Variants in DYRK1A observed in about 807,000 individuals in gnomAD.
DYRK1A encodes dual specificity tyrosine-phosphorylation-regulated kinase 1A.
A neutral mutation model predicts 79.7 loss-of-function variants in DYRK1A; 9 were observed. The observed-to-expected ratio is 0.11, with a 90% confidence interval of 0.07 to 0.20. The LOEUF (loss-of-function observed/expected upper bound fraction) is 0.20, where lower values mean the gene tolerates loss of function less well. Among genes scored for constraint, DYRK1A ranks in the 10% least tolerant of loss-of-function variants. DYRK1A has a pLI of 1.00. For missense variants in DYRK1A, 622 were observed against 956.0 expected (o/e 0.65, Z 4.61); for synonymous variants, 349 against 329.7 (o/e 1.06, Z -0.63).
intron 1 of DYRK1A, among the ~76,000 whole-genome samples, chr21:37,386,159 T>C (rs766924491): frequency 2.6e-5 from 4 of 152,204 alleles, no homozygotes; most frequent in Non-Finnish European, 5.9e-5. Flanking sequence ...TTTCCACTCT[T>C]AGATTTTATT....
Position 37,524,376 on chromosome 21 carries a change from A to G in DYRK1A, c.*11845A>G, listed in dbSNP as rs1275086495. The G allele has an allele frequency of 6.6e-6, 1 of 152,262 alleles. No individual in the cohort carries two copies. Among genetic ancestry groups the G allele is most frequent in the African/African-American group, 2.4e-5 (1 of 41,478 alleles). The allele number at this position is 152,262 out of a possible 1,614,324, so 9.4% of individuals were successfully genotyped here. ...GGTCAGAAAAATTAGAAAATTTAAA[A>G]TTGAATATCTCATCACAGAATTTAT... On this transcript the variant is annotated 3_prime_UTR_variant, in exon 12 of 12. Transcript: ENST00000647188.
intron 1 of DYRK1A, among the ~76,000 whole-genome samples, chr21:37,376,895 T>C (rs2049553748): frequency 6.6e-6 from 1 of 152,184 alleles, no homozygotes; most frequent in South Asian, 2.1e-4. Flanking sequence ...TAATAACTGT[T>C]CAGTTTTTCC....
upstream of DYRK1A, chr21:37,366,273 C>A (rs999479946): frequency 2.0e-5 from 3 of 147,542 alleles, no homozygotes; most frequent in Non-Finnish European, 4.5e-5. Flanking sequence ...CCCCCTCCCC[C>A]GCCCGGGGCA....
intron 3 of DYRK1A, among the ~76,000 whole-genome samples, chr21:37,475,375 CA>C (rs1323276517): frequency 2.0e-5 from 3 of 152,166 alleles, no homozygotes; most frequent in Non-Finnish European, 4.4e-5. Flanking sequence ...CTTTGGCTAG[CA>C]GAAGCAGGAA....
At chr21:37,496,726 G>A (rs1403204923) in intron 9 of DYRK1A, among the ~76,000 whole-genome samples, 3 of 151,940 alleles carry the variant, frequency 2.0e-5, no homozygotes, top group Non-Finnish European at 4.4e-5. Context: ...TTTTTCCAAG[G>A]ATATTAACTG....
At chr21:37,488,973 T>A in intron 6 of DYRK1A, 1 of 673,708 alleles carries the variant, frequency 1.5e-6, no homozygotes, top group Non-Finnish European at 1.8e-6. Context: ...ATTTTTAGTA[T>A]CGAGTTGTGC....
At chr21:37,426,987 C>T (rs927709513) in intron 2 of DYRK1A, among the ~76,000 whole-genome samples, 5 of 151,272 alleles carry the variant, frequency 3.3e-5, no homozygotes, top group Non-Finnish European at 4.4e-5. Context: ...CCAGAGAAAG[C>T]GACAGTTACT....
rs2050440582 is a variant in DYRK1A at position 37,420,303 on chromosome 21, A to G, written c.-72A>G. 6 of 1,396,726 alleles carry G rather than the reference A, an allele frequency of 4.3e-6. No homozygotes were observed. Among genetic ancestry groups the G allele is most frequent in the Non-Finnish European group, 5.1e-6 (5 of 988,230 alleles). The allele number at this position is 1,396,726 out of a possible 1,614,324, so 86.5% of individuals were successfully genotyped here. ...AATCTGTTTTTCTTCACACAGTGTT[A>G]TAGTTTTGCCGCTGGACTCTTCCCT... is the stretch of plus-strand genomic sequence containing the variant. On this transcript the variant is annotated 5_prime_UTR_variant, in exon 2 of 12. Transcript: ENST00000647188.
chr21:37,479,594 G>GTTTTTT (rs1569361972), intron 4 of DYRK1A, among the ~76,000 whole-genome samples: 2 of 24,262 alleles, frequency 8.2e-5, no homozygotes, highest in South Asian at 1.6e-3. Context: ...TTGGTGTTTT[G>GTTTTTT]TTTTTGTTTT....
intron 9 of DYRK1A, chr21:37,502,924 G>T (rs947159704): frequency 3.9e-5 from 6 of 152,146 alleles, no homozygotes; most frequent in Admixed American, 1.3e-4. Context: ...AAGATGTTAC[G>T]ATATAGCTTA....
Position 37,517,514 on chromosome 21 carries a change from C to T in DYRK1A, c.*4983C>T, listed in dbSNP as rs2053893305. 6.6e-6 allele frequency: 1 copy of T among 152,194 alleles called. No individual in the cohort carries two copies. Among genetic ancestry groups the T allele is most frequent in the South Asian group, 2.1e-4 (1 of 4,820 alleles). The allele number at this position is 152,194 out of a possible 1,614,324, so 9.4% of individuals were successfully genotyped here. A position where few individuals can be genotyped will look rare whatever the true frequency, so the allele number is the denominator to read the frequency against. On this transcript the variant is annotated 3_prime_UTR_variant, in exon 12 of 12. Transcript: ENST00000647188. Reference sequence around the variant, plus strand: ...TTCCATTATATACTCATTCATTAGTCAGTGTACTTGCCCCTGAATTCCATA... The same window carrying T: ...TTCCATTATATACTCATTCATTAGTTAGTGTACTTGCCCCTGAATTCCATA...
At chr21:37,502,226 C>T (rs971355352) in intron 9 of DYRK1A, 4 of 152,086 alleles carry the variant, frequency 2.6e-5, no homozygotes, top group South Asian at 2.1e-4. Flanking sequence ...ATGATCAAGT[C>T]GTTTTTTTAA....
rs374959793 is a variant in DYRK1A at position 37,513,104 on chromosome 21, T to C, written c.*573T>C. 2 of 154,640 alleles carry C rather than the reference T, an allele frequency of 1.3e-5. No homozygotes were observed. The highest frequency in any genetic ancestry group is 2.4e-5 in the African/African-American group (1 of 41,396). The allele number at this position is 154,640 out of a possible 1,614,324, so 9.6% of individuals were successfully genotyped here. A position where few individuals can be genotyped will look rare whatever the true frequency, so the allele number is the denominator to read the frequency against. On this transcript the variant is annotated 3_prime_UTR_variant, in exon 12 of 12. Transcript: ENST00000647188. ...TCCACAAACACCATCTTCAGCTGTATGAAAGGGACGGTTGTGGTGAAGTTT... is the reference window on the plus strand; with the variant it reads ...TCCACAAACACCATCTTCAGCTGTACGAAAGGGACGGTTGTGGTGAAGTTT...
chr21:37,437,135 G>T (rs1053974030), intron 2 of DYRK1A, among the ~76,000 whole-genome samples: 1 of 152,198 alleles, frequency 6.6e-6, no homozygotes, highest in African/African-American at 2.4e-5. Flanking sequence ...AGGAGACTAT[G>T]TTGTTGAGGG....
Position 37,522,302 on chromosome 21 carries a change from T to G in DYRK1A, c.*9771T>G, listed in dbSNP as rs2053940292. On this transcript the variant is annotated 3_prime_UTR_variant, in exon 12 of 12. Coordinates refer to ENST00000647188, the MANE Select transcript of DYRK1A (RefSeq NM_001347721.2). Reference sequence around the variant, plus strand: ...TTGAACAAGGTCCCCAGGTCATTCATGCACATTCAAAGTCAGAGACACTGC... The same window carrying G: ...TTGAACAAGGTCCCCAGGTCATTCAGGCACATTCAAAGTCAGAGACACTGC... The G allele has an allele frequency of 6.6e-6, 1 of 152,216 alleles. No individual in the cohort carries two copies. Among genetic ancestry groups the G allele is most frequent in the East Asian group, 1.9e-4 (1 of 5,190 alleles). The allele number at this position is 152,216 out of a possible 1,614,324, so 9.4% of individuals were successfully genotyped here.
At chr21:37,391,548 T>G (rs1054755544) in intron 1 of DYRK1A, among the ~76,000 whole-genome samples, 2 of 152,236 alleles carry the variant, frequency 1.3e-5, no homozygotes, top group Admixed American at 1.3e-4. Flanking sequence ...GCTGAAGCTT[T>G]AATACTCTTT....
rs200195640 is a variant in DYRK1A, at chr21:37,457,054, T to C, written c.11-15630T>C. On this transcript the variant is annotated intron_variant, in intron 2 of 11. Transcript: ENST00000647188. The stretch of plus-strand genomic sequence containing the variant: ...CTTACTTACTTATTTATTTATTTAT[T>C]TATTTATTTATTTATTTATTTATTT... Among the ~76,000 whole-genome samples the C allele has an allele frequency of 2.8e-4, 21 of 73,706 alleles. No homozygotes were observed. In the East Asian group the frequency reaches 0.011, roughly 39 times the overall value. 48.4% of individuals were successfully genotyped at this position (73,706 alleles called of 152,430 possible). A position where few individuals can be genotyped will look rare whatever the true frequency, so the allele number is the denominator to read the frequency against.
At position 37,519,856 on chromosome 21, in the gene DYRK1A, C is replaced by T. The variant is rs2053921357; in HGVS notation, c.*7325C>T. 1 of 151,306 alleles carries T rather than the reference C, an allele frequency of 6.6e-6. No individual in the cohort carries two copies. The highest frequency in any genetic ancestry group is 2.4e-5 in the African/African-American group (1 of 40,846). The allele number at this position is 151,306 out of a possible 1,614,324, so 9.4% of individuals were successfully genotyped here. ...TCCTGGGTTCACGCCATTCGCCTGCCTCAGCCTCCAGAGTAGCTGGGACTA... is the reference window on the plus strand; with the variant it reads ...TCCTGGGTTCACGCCATTCGCCTGCTTCAGCCTCCAGAGTAGCTGGGACTA... On this transcript the variant is annotated 3_prime_UTR_variant, in exon 12 of 12. Transcript: ENST00000647188.
intron 1 of DYRK1A, 95 bp from the exon 2 acceptor site, chr21:37,420,204 T>G (rs1272074892): frequency 2.3e-6 from 1 of 433,922 alleles, no homozygotes. Flanking sequence ...TTTTATTCTT[T>G]ATGTTTTGGG....
Sources: allele counts gnomAD v4.1 joint callset (sites outside exome capture counted in the v4.1 genomes callset), GRCh38; gene constraint gnomAD v4.1.1; transcripts MANE v1.5; gene names NCBI Gene and HGNC (gene_info 2026-07-23, HGNC 2026-07-21).